The following TXK variants were observed in gnomAD, a reference collection of about 807,000 sequenced individuals.
TXK encodes the protein TXK tyrosine kinase.
A neutral mutation model predicts 81.0 loss-of-function variants in TXK; 60 were observed. The observed-to-expected ratio is 0.74, with a 90% CI of 0.60 to 0.92. TXK has a LOEUF of 0.92. Among genes scored for constraint, TXK ranks in the 40% least tolerant of loss-of-function variants. The pLI, the probability that TXK is intolerant of heterozygous loss-of-function variation, is 0.00. For missense variants in TXK, 581 were observed against 638.3 expected (o/e 0.91, Z 0.97); for synonymous variants, 203 against 210.7 (o/e 0.96, Z 0.32).
chr4:48,100,171 CAAAAAAAAAAA>C (rs11341305), intron 6 of TXK, among the ~76,000 whole-genome samples: 6 of 53,934 alleles, frequency 1.1e-4, no homozygotes, highest in African/African-American at 3.5e-4. Context: ...GACTCCATCT[CAAAAAAAAAAA>C]AAAAAAAAAA....
chr4:48,091,600 G>A (rs906175286), intron 8 of TXK, among the ~76,000 whole-genome samples: 2 of 151,922 alleles, frequency 1.3e-5, no homozygotes, highest in African/African-American at 4.8e-5. Flanking sequence ...CCGCCTCTCA[G>A]GTTCAAGCGA....
chr4:48,068,484 G>A (rs1224133202), intron 14 of TXK, among the ~76,000 whole-genome samples: 1 of 152,170 alleles, frequency 6.6e-6, no homozygotes, highest in African/African-American at 2.4e-5. Context: ...ATAAGAGTGT[G>A]GAAGTCCCTC....
At chr4:48,093,876 A>G (rs1717872852) in intron 8 of TXK, among the ~76,000 whole-genome samples, 2 of 152,210 alleles carry the variant, frequency 1.3e-5, no homozygotes. Context: ...TAAGAAATTG[A>G]CCTACCTCTT....
intron 6 of TXK, among the ~76,000 whole-genome samples, chr4:48,098,141 C>A (rs1718057381): frequency 1.3e-5 from 2 of 152,056 alleles, no homozygotes; most frequent in African/African-American, 2.4e-5. Flanking sequence ...TATGCCACAG[C>A]ACATGACATG....
In TXK at chr4:48,080,040, C is replaced by A. The variant is rs142170187; in HGVS notation, c.1045G>T (p.Gly349Cys). The change falls in exon 11 of 15, where the codon GGC (glycine) becomes TGC (cysteine). Residue 349 changes from glycine (G) to cysteine (C), a missense_variant. Gly to Cys is a radical substitution (Grantham distance 159). Coordinates refer to ENST00000264316, the MANE Select transcript of TXK (RefSeq NM_003328.3). ...TCCCTGAGATAGTTAAGCAGGCAGC[C>A]ATTTTCCATGAACTCTGTCACAATG... ...LYIVTEFMEN[G>C]CLLNYLRENK... The A allele has an allele frequency of 1.2e-6, 2 of 1,613,974 alleles. No homozygotes were observed. The highest frequency in any genetic ancestry group is 2.7e-5 in the African/African-American group (2 of 74,912).
Position 48,066,990 on chromosome 4 carries a change from T to A in TXK, c.*647A>T, listed in dbSNP as rs1716628974. The A allele has an allele frequency of 6.6e-6, 1 of 152,268 alleles. No homozygotes were observed. Among genetic ancestry groups the A allele is most frequent in the Non-Finnish European group, 1.5e-5 (1 of 68,060 alleles). 9.4% of individuals were successfully genotyped at this position (152,268 alleles called of 1,614,324 possible). On this transcript the variant is annotated 3_prime_UTR_variant, in exon 15 of 15. Coordinates refer to ENST00000264316, the MANE Select transcript of TXK (RefSeq NM_003328.3). The stretch of plus-strand genomic sequence containing the variant: ...CACCGGGATCTGTTCAAAGGTGAGC[T>A]TTGGCTACATTTTATAACAGTGTTT...
chr4:48,115,033 C>CT (rs58957431), intron 1 of TXK, among the ~76,000 whole-genome samples: 23 of 148,434 alleles, frequency 1.5e-4, no homozygotes, highest in East Asian at 7.9e-4. Flanking sequence ...TTCTTTCTTT[C>CT]TTTTTTTTTT....
intron 9 of TXK, among the ~76,000 whole-genome samples, chr4:48,087,593 C>T (rs1251127420): frequency 6.6e-6 from 1 of 152,008 alleles, no homozygotes; most frequent in Non-Finnish European, 1.5e-5. Context: ...GCCATCACGC[C>T]TTGATAATTT....
intron 11 of TXK, among the ~76,000 whole-genome samples, chr4:48,079,315 G>A (rs1312866520): frequency 6.6e-6 from 1 of 152,164 alleles, no homozygotes. Flanking sequence ...CAGACAGCTG[G>A]AGGCTACAAG....
At position 48,086,510 on chromosome 4, in the gene TXK, G is replaced by A; in HGVS notation, c.912C>T (p.Gly304=). 1.9e-6 allele frequency: 3 copies of A among 1,614,060 alleles called. No individual in the cohort carries two copies. The highest frequency in any genetic ancestry group is 1.1e-5 in the South Asian group (1 of 91,076). ...IQVAIKAINE[G]SMSEEDFIEE... is the part of the protein sequence containing the mutation. ...CAATGAAATCCTCTTCAGACATGGAGCCTTCATTGATGGCCTTGATAGCTA... is the reference window on the plus strand; with the variant it reads ...CAATGAAATCCTCTTCAGACATGGAACCTTCATTGATGGCCTTGATAGCTA... Residue 304 remains glycine (G), a synonymous_variant, in exon 10 of 15, where the codon GGC becomes GGT. Coordinates refer to ENST00000264316, the MANE Select transcript of TXK (RefSeq NM_003328.3).
At chr4:48,123,159 T>C (rs534727195) in intron 1 of TXK, among the ~76,000 whole-genome samples, 2 of 152,346 alleles carry the variant, frequency 1.3e-5, no homozygotes, top group South Asian at 4.2e-4. Context: ...TCTACTTTTT[T>C]CTGTATGCTT....
chr4:48,127,898 C>T (rs74513879), intron 1 of TXK, among the ~76,000 whole-genome samples: 5,660 of 152,188 alleles, frequency 0.037, 299 homozygotes, highest in East Asian at 0.22. Flanking sequence ...TTCCTTCCAC[C>T]CCCAGAGGTT....
At chr4:48,107,496 AC>A in intron 5 of TXK, among the ~76,000 whole-genome samples, 1 of 151,600 alleles carries the variant, frequency 6.6e-6, no homozygotes, top group African/African-American at 2.4e-5. Flanking sequence ...GTTTTCTTCC[AC>A]AGCGTCCAAT....
At chr4:48,127,381 G>A (rs887937535) in intron 1 of TXK, among the ~76,000 whole-genome samples, 7 of 152,206 alleles carry the variant, frequency 4.6e-5, no homozygotes, top group African/African-American at 1.7e-4. Context: ...TTCCCAGTAA[G>A]TAAATAGACA....
chr4:48,069,777 C>T (rs1005004749), intron 14 of TXK, among the ~76,000 whole-genome samples: 5 of 152,242 alleles, frequency 3.3e-5, no homozygotes, highest in African/African-American at 1.2e-4. Context: ...CTCAGTTCCA[C>T]TTACATATAA....
chr4:48,071,804 A>G (rs1577644830), intron 13 of TXK, 130 bp from the exon 14 acceptor site: 7 of 1,004,956 alleles, frequency 7.0e-6, no homozygotes, highest in African/African-American at 1.6e-5. Context: ...CCTGAATAAC[A>G]GCGGTTCTGT....
chr4:48,071,957 T>C (rs961165927), intron 13 of TXK, among the ~76,000 whole-genome samples: 48 of 11,470 alleles, frequency 4.2e-3, no homozygotes, highest in African/African-American at 7.1e-3. Flanking sequence ...TTTTCTTTTC[T>C]TTTTTTTTTT....
intron 1 of TXK, among the ~76,000 whole-genome samples, chr4:48,119,209 T>C (rs531118381): frequency 5.1e-4 from 77 of 152,294 alleles, no homozygotes; most frequent in Non-Finnish European, 8.8e-4. Context: ...AAGTTTAGGA[T>C]GGAGAGGAAT....
chr4:48,078,465 G>C (rs915439375), intron 11 of TXK, among the ~76,000 whole-genome samples: 3 of 152,180 alleles, frequency 2.0e-5, no homozygotes, highest in African/African-American at 7.2e-5. Flanking sequence ...ATTTCTCATA[G>C]ACTTCTCCAA....
Sources: gnomAD v4.1 joint callset for allele counts (sites outside exome capture counted in the v4.1 genomes callset) on GRCh38, gnomAD v4.1.1 for gene constraint, MANE v1.5 for transcripts, NCBI Gene and HGNC (gene_info 2026-07-23, HGNC 2026-07-21) for gene names.